The following TMEM71 variants were observed in gnomAD, a reference collection of about 807,000 sequenced individuals.
The protein encoded by TMEM71 is transmembrane protein 71.
A neutral mutation model predicts 38.0 loss-of-function variants in TMEM71; 44 were observed. That is an observed-to-expected ratio of 1.16 (90% CI 0.91 to 1.49). TMEM71 has a LOEUF of 1.49. Ranked by LOEUF, TMEM71 falls within the 40% of genes most tolerant of loss-of-function variation. The probability of loss-of-function intolerance (pLI) is 0.00; values close to 1 mark genes in which losing one functional copy is unlikely to be tolerated. For missense variants in TMEM71, 367 were observed against 348.6 expected, an observed-to-expected ratio of 1.05 and a Z score of -0.42; for synonymous variants, 133 against 122.5, an observed-to-expected ratio of 1.09 and a Z score of -0.56.
intron 5 of TMEM71, among the ~76,000 whole-genome samples, chr8:132,738,697 C>G (rs1180982849): frequency 6.6e-6 from 1 of 152,158 alleles, no homozygotes; most frequent in African/African-American, 2.4e-5. Context: ...GCCTCACCCC[C>G]CACATCCCTG....
chr8:132,762,884 A>G (rs974246842), upstream of TMEM71, among the ~76,000 whole-genome samples: 1 of 152,230 alleles, frequency 6.6e-6, no homozygotes. Context: ...TAGCCCTAGA[A>G]AATAAGTGCA....
Position 132,751,837 on chromosome 8 carries a change from T to C in TMEM71, c.262A>G (p.Ile88Val), listed in dbSNP as rs138975019. The C allele has an allele frequency of 1.0e-4, 165 of 1,613,986 alleles. No homozygotes were observed. In the African/African-American group the frequency reaches 2.0e-3, roughly 19 times the overall value. ...DSFLCDKDGN[I>V]TLNPSQTSVM... ...CTGGTCTGGGATGGGTTCAGAGTTATGTTGCCATCTTTGTCGCACAGGAAG... is the reference window on the plus strand; with the variant it reads ...CTGGTCTGGGATGGGTTCAGAGTTACGTTGCCATCTTTGTCGCACAGGAAG... Residue 88 changes from isoleucine to valine, a missense_variant, in exon 4 of 10, where the codon ATA becomes GTA. Coordinates refer to ENST00000677595, the MANE Select transcript of TMEM71 (RefSeq NM_001382403.1).
rs775523959 is a variant in TMEM71 at position 132,758,814 on chromosome 8, G to A, written c.40+26C>T. 1.1e-5 allele frequency: 17 copies of A among 1,603,766 alleles called. No individual in the cohort carries two copies. In the South Asian group the frequency reaches 1.2e-4, roughly 11 times the overall value. On this transcript the variant is annotated intron_variant, in intron 2 of 9. Transcript: ENST00000677595. ...GAGTCTAATCGTTCAAAAGATAATT[G>A]CGTATCACAGTTCTTCTACATTTAC... is the stretch of plus-strand genomic sequence containing the variant.
At chr8:132,713,143 C>G (rs1351972240) in intron 9 of TMEM71, among the ~76,000 whole-genome samples, 1 of 137,434 alleles carries the variant, frequency 7.3e-6, no homozygotes, top group African/African-American at 3.5e-5. Context: ...CCACACCCAG[C>G]CTTGTCATTA....
At chr8:132,735,647 C>T (rs372675355) in intron 5 of TMEM71, among the ~76,000 whole-genome samples, 13 of 152,168 alleles carry the variant, frequency 8.5e-5, no homozygotes, top group Admixed American at 3.3e-4. Flanking sequence ...ACCTCATGCA[C>T]GTGCAGCATT....
At chr8:132,717,490 A>C (rs1278728504) in intron 7 of TMEM71, among the ~76,000 whole-genome samples, 1 of 152,234 alleles carries the variant, frequency 6.6e-6, no homozygotes, top group Non-Finnish European at 1.5e-5. Context: ...GCATGGAAAG[A>C]TGGTCAACAT....
chr8:132,729,633 A>C (rs1030109419), intron 5 of TMEM71, among the ~76,000 whole-genome samples: 8 of 152,232 alleles, frequency 5.3e-5, no homozygotes, highest in African/African-American at 1.9e-4. Context: ...CAAGCCAGGG[A>C]AACCTATAAC....
chr8:132,764,292 G>GTC (rs1829337529), upstream of TMEM71, among the ~76,000 whole-genome samples: 1 of 151,254 alleles, frequency 6.6e-6, no homozygotes, highest in Admixed American at 6.6e-5. Context: ...GGGAGGTTGT[G>GTC]TGTGTGTGTG....
chr8:132,763,237 A>G (rs1238054409), upstream of TMEM71, among the ~76,000 whole-genome samples: 1 of 152,206 alleles, frequency 6.6e-6, no homozygotes, highest in Non-Finnish European at 1.5e-5. Flanking sequence ...ATGTCACACA[A>G]TTCATTCCTT....
intron 1 of TMEM71, 104 bp from the exon 2 acceptor site, chr8:132,759,019 A>C (rs967476883): frequency 5.7e-6 from 4 of 697,662 alleles, no homozygotes; most frequent in Non-Finnish European, 2.5e-6. Flanking sequence ...TTGTTTACTG[A>C]AATAATACAG....
intron 5 of TMEM71, among the ~76,000 whole-genome samples, chr8:132,734,172 ACACG>A (rs1827616695): frequency 6.6e-6 from 1 of 152,056 alleles, no homozygotes; most frequent in African/African-American, 2.4e-5. Context: ...ACACACACAC[ACACG>A]CATACACATA....
chr8:132,705,895 A>C (rs115428599), downstream of TMEM71, among the ~76,000 whole-genome samples: 705 of 152,268 alleles, frequency 4.6e-3, 6 homozygotes, highest in African/African-American at 0.016. Context: ...TTATGTACTG[A>C]ATGTTTTTGT....
intron 2 of TMEM71, 184 bp downstream of exon 2, chr8:132,758,656 C>T: frequency 1.9e-6 from 1 of 529,896 alleles, no homozygotes; most frequent in Non-Finnish European, 3.4e-6. Context: ...AAAAATACCA[C>T]ATTTCTTTCA....
chr8:132,738,224 T>A (rs1388465840), intron 5 of TMEM71, among the ~76,000 whole-genome samples: 1 of 152,164 alleles, frequency 6.6e-6, no homozygotes, highest in Non-Finnish European at 1.5e-5. Context: ...AACATTCAGG[T>A]GGGAAAAGCT....
intron 5 of TMEM71, among the ~76,000 whole-genome samples, chr8:132,732,595 C>T (rs924448950): frequency 1.3e-5 from 2 of 152,140 alleles, no homozygotes; most frequent in African/African-American, 4.8e-5. Context: ...ATGAGTGTAA[C>T]ATGAGTTGCT....
downstream of TMEM71, among the ~76,000 whole-genome samples, chr8:132,707,392 T>C (rs1485423396): frequency 6.6e-6 from 1 of 152,168 alleles, no homozygotes; most frequent in Non-Finnish European, 1.5e-5. Context: ...GGTTTGAATG[T>C]GACCTGAAAA....
chr8:132,758,701 GAA>G, intron 2 of TMEM71, 137 bp downstream of exon 2: 1 of 683,716 alleles, frequency 1.5e-6, no homozygotes, highest in Admixed American at 2.6e-5. Flanking sequence ...TTGCCAAAGT[GAA>G]CACTGGCATT....
chr8:132,731,198 A>G (rs1827435476), intron 5 of TMEM71, among the ~76,000 whole-genome samples: 1 of 152,208 alleles, frequency 6.6e-6, no homozygotes, highest in African/African-American at 2.4e-5. Context: ...ACCAACATAT[A>G]GTTTAGATGG....
intron 4 of TMEM71, among the ~76,000 whole-genome samples, chr8:132,750,823 T>G (rs1828667583): frequency 6.6e-6 from 1 of 152,218 alleles, no homozygotes; most frequent in African/African-American, 2.4e-5. Flanking sequence ...TACATCCAGT[T>G]GACAGAACCC....
Sources: allele counts gnomAD v4.1 joint callset (sites outside exome capture counted in the v4.1 genomes callset), GRCh38; gene constraint gnomAD v4.1.1; transcripts MANE v1.5; gene names NCBI Gene and HGNC (gene_info 2026-07-23, HGNC 2026-07-21).